PLCE1: variants seen among roughly 807,000 people sequenced by gnomAD.
PLCE1 encodes 1-phosphatidylinositol 4,5-bisphosphate phosphodiesterase epsilon-1.
A neutral mutation model predicts 242.8 loss-of-function variants in PLCE1; 119 were observed. That is an observed-to-expected ratio of 0.49 (90% CI 0.42 to 0.57). The LOEUF (loss-of-function observed/expected upper bound fraction) is 0.57, where lower values mean the gene tolerates loss of function less well. PLCE1 is among the 20% of genes least tolerant of loss of function. The pLI is 0.00. For synonymous variants in PLCE1, 945 were observed against 1,017.4 expected (o/e 0.93, Z 1.35); for missense variants, 2,441 against 2,788.8 (o/e 0.88, Z 2.81).
At chr10:94,119,979 A>G (rs1056883385) in intron 2 of PLCE1, among the ~76,000 whole-genome samples, 7 of 152,192 alleles carry the variant, frequency 4.6e-5, no homozygotes, top group African/African-American at 1.7e-4. Context: ...TGTCAGTCCA[A>G]GCTTCTCAGA....
At chr10:94,138,556 C>G (rs2046857524) in intron 3 of PLCE1, 1 of 472,796 alleles carries the variant, frequency 2.1e-6, no homozygotes, top group African/African-American at 2.0e-5. Context: ...CAGACTCCAT[C>G]TGGGGATCAG....
At chr10:94,027,584 A>G (rs10882384) in intron 1 of PLCE1, among the ~76,000 whole-genome samples, 60,940 of 152,062 alleles carry the variant, frequency 0.4, 15,115 homozygotes, top group African/African-American at 0.71. Flanking sequence ...CACTTCGGGA[A>G]GCCAAGGTGG....
intron 2 of PLCE1, among the ~76,000 whole-genome samples, chr10:94,058,697 C>G (rs1449012679): frequency 2.6e-5 from 4 of 152,096 alleles, no homozygotes; most frequent in Admixed American, 2.6e-4. Flanking sequence ...AATCACCTAA[C>G]CTGTCTAGGA....
chr10:94,031,356 A>G lies in PLCE1; in HGVS notation c.310A>G (p.Ile104Val). The change falls in exon 2 of 33, where the codon ATT becomes GTT. Residue 104 changes from isoleucine (I) to valine (V), a missense_variant. Ile to Val is a conservative substitution (Grantham distance 29, BLOSUM62 3). Around this residue, in one of 5 missense-constraint regions of PLCE1, gnomAD observed 393 missense variants for 378.5 expected, o/e 1.04. Coordinates refer to ENST00000371380, the MANE Select transcript of PLCE1 (RefSeq NM_016341.4). Reference protein sequence around the residue: ...IMPDSAKNLNINCNNILRNHQ... With the variant: ...IMPDSAKNLNVNCNNILRNHQ... The stretch of plus-strand genomic sequence containing the variant: ...GCCAGATTCTGCGAAAAACCTTAAC[A>G]TTAACTGCAACAACATATTGAGAAA... 6.2e-7 allele frequency: 1 copy of G among 1,613,886 alleles called. No homozygotes were observed. The highest frequency in any genetic ancestry group is 1.7e-5 in the Admixed American group (1 of 59,980).
intron 20 of PLCE1, 157 bp downstream of exon 20, chr10:94,280,068 G>A (rs777798958): frequency 1.1e-4 from 80 of 753,724 alleles, no homozygotes; most frequent in South Asian, 3.0e-4. Context: ...AGCAAGGACC[G>A]AGGAAGGAGG....
intron 3 of PLCE1, among the ~76,000 whole-genome samples, chr10:94,153,131 C>T (rs562667697): frequency 6.6e-6 from 1 of 152,160 alleles, no homozygotes; most frequent in South Asian, 2.1e-4. Flanking sequence ...CTGTTCTTGT[C>T]CAAAATACAG....
intron 2 of PLCE1, among the ~76,000 whole-genome samples, chr10:94,051,139 G>A (rs765976903): frequency 6.6e-6 from 1 of 151,996 alleles, no homozygotes; most frequent in Non-Finnish European, 1.5e-5. Context: ...TGACTTAGTA[G>A]TGGTTTGAAG....
chr10:94,054,449 C>T (rs1324212361), intron 2 of PLCE1, among the ~76,000 whole-genome samples: 1 of 152,126 alleles, frequency 6.6e-6, no homozygotes, highest in African/African-American at 2.4e-5. Flanking sequence ...TCCCATCAGC[C>T]TGCTGAAAGG....
At chr10:94,045,982 A>G (rs1490055277) in intron 2 of PLCE1, among the ~76,000 whole-genome samples, 3 of 151,914 alleles carry the variant, frequency 2.0e-5, no homozygotes, top group Middle Eastern at 3.2e-3. Flanking sequence ...AAAAAAAGTA[A>G]TAATAACCTT....
chr10:94,272,704 C>G (rs2051792476), intron 18 of PLCE1, among the ~76,000 whole-genome samples: 1 of 152,134 alleles, frequency 6.6e-6, no homozygotes. Flanking sequence ...TCCCTGACTT[C>G]CCACAACAAT....
chr10:94,257,911 A>C (rs777261479), intron 11 of PLCE1, among the ~76,000 whole-genome samples: 20 of 152,226 alleles, frequency 1.3e-4, no homozygotes, highest in Non-Finnish European at 7.3e-5. Flanking sequence ...CCTAGAACTT[A>C]AAGTATAATT....
At chr10:94,106,151 T>A (rs1386279468) in intron 2 of PLCE1, 1 of 152,186 alleles carries the variant, frequency 6.6e-6, no homozygotes, top group Admixed American at 6.5e-5. Context: ...AGTTATAAAC[T>A]TCAACAGTCT....
intron 7 of PLCE1, among the ~76,000 whole-genome samples, chr10:94,237,692 C>G (rs958359588): frequency 4.6e-5 from 7 of 152,186 alleles, no homozygotes; most frequent in Non-Finnish European, 7.4e-5. Context: ...GACTGCTACT[C>G]TGAAAGGAAC....
chr10:94,187,212 A>G (rs754833532), intron 4 of PLCE1, among the ~76,000 whole-genome samples: 8 of 150,824 alleles, frequency 5.3e-5, no homozygotes, highest in Non-Finnish European at 1.2e-4. Context: ...ATCTAGTTGC[A>G]ATATAAATAC....
Position 94,269,041 on chromosome 10 carries a change from T to C in PLCE1, c.4389+5T>C. On this transcript the variant is annotated splice_donor_5th_base_variant and intron_variant, in intron 17 of 32. Coordinates refer to ENST00000371380, the MANE Select transcript of PLCE1 (RefSeq NM_016341.4). ...ACAACCAAGATCCCCTTCAAGGTAATCCTTCATAACTTTCTTTAAATCAAA... is the reference window on the plus strand; with the variant it reads ...ACAACCAAGATCCCCTTCAAGGTAACCCTTCATAACTTTCTTTAAATCAAA... 1 of 1,410,018 alleles carries C rather than the reference T, an allele frequency of 7.1e-7. No individual in the cohort carries two copies. Among genetic ancestry groups the C allele is most frequent in the Non-Finnish European group, 1.0e-6 (1 of 1,001,436 alleles). The allele number at this position is 1,410,018 out of a possible 1,614,324, so 87.3% of individuals were successfully genotyped here.
At chr10:94,130,817 A>G (rs1167667236) in intron 2 of PLCE1, among the ~76,000 whole-genome samples, 1 of 152,204 alleles carries the variant, frequency 6.6e-6, no homozygotes, top group African/African-American at 2.4e-5. Flanking sequence ...ATAAGGACCT[A>G]GCACAGCTCA....
intron 28 of PLCE1, among the ~76,000 whole-genome samples, chr10:94,314,124 C>G (rs1019813883): frequency 6.6e-6 from 1 of 152,146 alleles, no homozygotes; most frequent in Non-Finnish European, 1.5e-5. Flanking sequence ...GGGGGGACTT[C>G]TAAGAGTGAG....
At chr10:94,088,811 T>C (rs1028926270) in intron 2 of PLCE1, among the ~76,000 whole-genome samples, 3 of 152,214 alleles carry the variant, frequency 2.0e-5, no homozygotes, top group Non-Finnish European at 4.4e-5. Context: ...TGGGAAGTTC[T>C]GAATTTCTAT....
At chr10:94,172,253 C>T (rs1359166686) in intron 4 of PLCE1, among the ~76,000 whole-genome samples, 1 of 152,060 alleles carries the variant, frequency 6.6e-6, no homozygotes, top group Non-Finnish European at 1.5e-5. Flanking sequence ...TGGGGTTGGG[C>T]GGACTGCACT....
Sources: allele counts gnomAD v4.1 joint callset (sites outside exome capture counted in the v4.1 genomes callset), GRCh38; gene constraint gnomAD v4.1.1; regional missense constraint gnomAD v4.1.1; transcripts MANE v1.5; gene names NCBI Gene and HGNC (gene_info 2026-07-23, HGNC 2026-07-21).